ROBO3: variants seen among roughly 807,000 people sequenced by gnomAD.
The protein encoded by ROBO3 is roundabout guidance receptor 3, also known as roundabout homolog 3.
A neutral mutation model predicts 160.5 loss-of-function variants in ROBO3; 97 were observed. That is an observed-to-expected ratio of 0.60 (90% confidence interval 0.51 to 0.72). The LOEUF (loss-of-function observed/expected upper bound fraction) is 0.72, where lower values mean the gene tolerates loss of function less well. Among genes scored for constraint, ROBO3 ranks in the 30% least tolerant of loss-of-function variants. ROBO3 has a pLI of 0.00. For missense variants in ROBO3, 1,858 were observed against 1,846.5 expected (o/e 1.01, Z -0.11); for synonymous variants, 780 against 746.2 (o/e 1.05, Z -0.74).
intron 1 of ROBO3, chr11:124,868,436 A>C: frequency 1.8e-6 from 1 of 562,696 alleles, no homozygotes; most frequent in Non-Finnish European, 3.2e-6. Flanking sequence ...GGAGATGGAA[A>C]CCACTGGGCA....
At position 124,875,986 on chromosome 11, in the gene ROBO3, C is replaced by T. The variant is rs1274929444; in HGVS notation, c.2454C>T (p.His818=). 6.2e-7 allele frequency: 1 copy of T among 1,600,472 alleles called. No individual in the cohort carries two copies. The highest frequency in any genetic ancestry group is 8.5e-7 in the Non-Finnish European group (1 of 1,173,750). ...GCCTGGGCAATGAGAGCCGCTTTCA[C>T]CTCAATCGATCTGCAGCAGGCTGGG... The part of the protein sequence containing the change: ...IWCLGNESRF[H]LNRSAAGWAR... Residue 818 remains histidine, a synonymous_variant, in exon 16 of 28, where the codon CAC becomes CAT. Coordinates refer to ENST00000397801, the MANE Select transcript of ROBO3 (RefSeq NM_022370.4).
rs746422577 is a variant in ROBO3, at chr11:124,877,667, T to C, written c.2986+9T>C. 1.2e-6 allele frequency: 2 copies of C among 1,609,944 alleles called. No homozygotes were observed. The highest frequency in any genetic ancestry group is 1.7e-6 in the Non-Finnish European group (2 of 1,178,274). On this transcript the variant is annotated intron_variant, in intron 20 of 27. Coordinates refer to ENST00000397801, the MANE Select transcript of ROBO3 (RefSeq NM_022370.4). ...CGACAGATATTACAACGGTGAGGAG[T>C]TCTCATTCCCTCACCTGGCTTCAGC... is the stretch of plus-strand genomic sequence containing the variant.
Position 124,873,093 on chromosome 11 carries a change from A to T in ROBO3, c.1536+4A>T, listed in dbSNP as rs1308575007. 1 of 1,612,242 alleles carries T rather than the reference A, an allele frequency of 6.2e-7. No homozygotes were observed. On this transcript the variant is annotated splice_donor_region_variant and intron_variant, in intron 9 of 27. Coordinates refer to ENST00000397801, the MANE Select transcript of ROBO3 (RefSeq NM_022370.4). The surrounding 1 kb of genome is among the most constrained non-coding windows in gnomAD (Gnocchi z 4.5). ...CCTGTACATCGCCAATGTGCAGGTG[A>T]GTGTCACCCCTGGGGCCCTAGTAGC...
Position 124,869,184 on chromosome 11 carries a change from G to A in ROBO3, c.487+56G>A. On this transcript the variant is annotated intron_variant, in intron 2 of 27. Transcript: ENST00000397801. This position sits in a 1 kb window ranked among gnomAD's most constrained non-coding sequence, Gnocchi z 4.2. ...TTCCAGAGCCTGGGGTAGGCGGGAG[G>A]GCACTGGGCAATCAGACCCAGAACC... 6.8e-7 allele frequency: 1 copy of A among 1,474,820 alleles called. No individual in the cohort carries two copies. Among genetic ancestry groups the A allele is most frequent in the Non-Finnish European group, 9.1e-7 (1 of 1,099,608 alleles). The allele number at this position is 1,474,820 out of a possible 1,614,324, so 91.4% of individuals were successfully genotyped here.
intron 15 of ROBO3, 114 bp from the exon 16 acceptor site, chr11:124,875,840 T>A: frequency 6.9e-7 from 1 of 1,455,048 alleles, no homozygotes; most frequent in African/African-American, 1.4e-5. Flanking sequence ...CCAAGTGTTG[T>A]TTCCAGGTTG....
rs200747821 is a variant in ROBO3, at chr11:124,879,553, C to T, written c.3774C>T (p.Tyr1258=). 5 of 1,613,266 alleles carry T rather than the reference C, an allele frequency of 3.1e-6. No individual in the cohort carries two copies. Among genetic ancestry groups the T allele is most frequent in the South Asian group, 1.1e-5 (1 of 90,960 alleles). Residue 1258 remains tyrosine (Y), a synonymous_variant, in exon 25 of 28, where the codon TAC becomes TAT. Transcript: ENST00000397801. ...GGAAGAAACCCAAGGCTCTTCCCTA[C>T]AGGAGGGAGAACAGTCCTGGGGGTG... The part of the protein sequence containing the change: ...RFRKKPKALP[Y]RRENSPGDLP...
chr11:124,876,041 C>A lies in ROBO3; in HGVS notation c.2509C>A (p.Pro837Thr). The A allele has an allele frequency of 6.2e-7, 1 of 1,607,702 alleles. No homozygotes were observed. The highest frequency in any genetic ancestry group is 1.1e-5 in the South Asian group (1 of 89,334). The change falls in exon 16 of 28, where the codon CCC (proline) becomes ACC (threonine). Residue 837 changes from proline (P) to threonine (T), a missense_variant. Physicochemically the swap from Pro to Thr is conservative, Grantham distance 38. Coordinates refer to ENST00000397801, the MANE Select transcript of ROBO3 (RefSeq NM_022370.4). This position sits in a 1 kb window ranked among gnomAD's most constrained non-coding sequence, Gnocchi z 5.3. ...CTCCGCAATGCTCCGAGGACTGGTG[C>A]CCGGTCTCCTCTATCGAACCCTGGT... Reference protein sequence around the residue: ...ARSAMLRGLVPGLLYRTLVAA... With the variant: ...ARSAMLRGLVTGLLYRTLVAA...
chr11:124,876,191 G>A lies in ROBO3; in HGVS notation c.2593+66G>A. ...GCGGGGCAAGCCCCCCACTGGGGTAGCTGTGCCTGCCGGGTCGGGAATGAC... is the reference window on the plus strand; with the variant it reads ...GCGGGGCAAGCCCCCCACTGGGGTAACTGTGCCTGCCGGGTCGGGAATGAC... On this transcript the variant is annotated intron_variant, in intron 16 of 27. Coordinates refer to ENST00000397801, the MANE Select transcript of ROBO3 (RefSeq NM_022370.4). This position sits in a 1 kb window ranked among gnomAD's most constrained non-coding sequence, Gnocchi z 5.3. The A allele has an allele frequency of 6.5e-7, 1 of 1,532,386 alleles. No homozygotes were observed. The highest frequency in any genetic ancestry group is 8.7e-7 in the Non-Finnish European group (1 of 1,147,230). The allele number at this position is 1,532,386 out of a possible 1,614,324, so 94.9% of individuals were successfully genotyped here.
At position 124,870,272 on chromosome 11, in the gene ROBO3, C is replaced by T. The variant is rs376257514; in HGVS notation, c.874C>T (p.Arg292Cys). The T allele has an allele frequency of 2.1e-5, 34 of 1,613,904 alleles. No homozygotes were observed. The highest frequency in any genetic ancestry group is 3.3e-4 in the Middle Eastern group (2 of 6,082). The change falls in exon 5 of 28, where the codon CGC (arginine) becomes TGC (cysteine). Residue 292 changes from arginine to cysteine, a missense_variant. Coordinates refer to ENST00000397801, the MANE Select transcript of ROBO3 (RefSeq NM_022370.4). ...GGATCCCCCACCTCGTCTACGCTGGCGCAAGGAGGATGGGGAACTGCCCAC... is the reference window on the plus strand; with the variant it reads ...GGATCCCCCACCTCGTCTACGCTGGTGCAAGGAGGATGGGGAACTGCCCAC... ...KGDPPPRLRW[R>C]KEDGELPTGR...
chr11:124,869,728 G>A lies in ROBO3; in HGVS notation c.645+121G>A, dbSNP rs1438090019. The A allele has an allele frequency of 3.1e-6, 4 of 1,301,158 alleles. No individual in the cohort carries two copies. The highest frequency in any genetic ancestry group is 3.0e-5 in the South Asian group (2 of 67,372). The allele number at this position is 1,301,158 out of a possible 1,614,324, so 80.6% of individuals were successfully genotyped here. A position where few individuals can be genotyped will look rare whatever the true frequency, so the allele number is the denominator to read the frequency against. The stretch of plus-strand genomic sequence containing the variant: ...CCAGAGACTAAGAGTCAGCTATACA[G>A]TGAGGGATAAGGAAGACGGAATTGG... On this transcript the variant is annotated intron_variant, in intron 3 of 27. Coordinates refer to ENST00000397801, the MANE Select transcript of ROBO3 (RefSeq NM_022370.4). This position sits in a 1 kb window ranked among gnomAD's most constrained non-coding sequence, Gnocchi z 4.2.
intron 14 of ROBO3, 33 bp from the exon 15 acceptor site, chr11:124,875,531 G>T (rs74664498): frequency 0.064 from 103,780 of 1,609,276 alleles, 3,910 homozygotes; most frequent in South Asian, 0.12. Flanking sequence ...ATGACTATTT[G>T]TGTCCTTCTC....
At position 124,880,577 on chromosome 11, in the gene ROBO3, A is replaced by G. The variant is rs1946556786; in HGVS notation, c.4118A>G (p.Gln1373Arg). ...RSRSRSQSRSQSQRPGQKRRE... is the reference protein window; with the variant it reads ...RSRSRSQSRSRSQRPGQKRRE... ...CGGAGTCGGAGTCAGAGCCGGAGCC[A>G]GAGCCAAAGGCCAGGACAGAAACGC... The change falls in exon 27 of 28, where the codon CAG (glutamine) becomes CGG (arginine). Residue 1373 changes from glutamine (Q) to arginine (R), a missense_variant. Coordinates refer to ENST00000397801, the MANE Select transcript of ROBO3 (RefSeq NM_022370.4). 6.4e-7 allele frequency: 1 copy of G among 1,552,054 alleles called. No individual in the cohort carries two copies. The highest frequency in any genetic ancestry group is 8.7e-7 in the Non-Finnish European group (1 of 1,147,520).
chr11:124,877,628 A>T lies in ROBO3; in HGVS notation c.2956A>T (p.Asn986Tyr). The change falls in exon 20 of 28, where the codon AAT (asparagine) becomes TAT (tyrosine). Residue 986 changes from asparagine (N) to tyrosine (Y), a missense_variant. Coordinates refer to ENST00000397801, the MANE Select transcript of ROBO3 (RefSeq NM_022370.4). ...QEPRGSCCPSNPDPDDRYYNE... is the reference protein window; with the variant it reads ...QEPRGSCCPSYPDPDDRYYNE... Reference sequence around the variant, plus strand: ...ACCCAGGGGAAGCTGCTGCCCTAGCAATCCTGACCCGGACGACAGATATTA... The same window carrying T: ...ACCCAGGGGAAGCTGCTGCCCTAGCTATCCTGACCCGGACGACAGATATTA... 1 of 1,610,894 alleles carries T rather than the reference A, an allele frequency of 6.2e-7. No individual in the cohort carries two copies. The highest frequency in any genetic ancestry group is 8.5e-7 in the Non-Finnish European group (1 of 1,178,680).
In ROBO3 at chr11:124,880,545, C is replaced by A; in HGVS notation, c.4086C>A (p.Gly1362=). The A allele has an allele frequency of 1.3e-6, 2 of 1,535,424 alleles. No homozygotes were observed. The change falls in exon 27 of 28, where the codon GGC becomes GGA. Residue 1362 remains glycine, a synonymous_variant. Coordinates refer to ENST00000397801, the MANE Select transcript of ROBO3 (RefSeq NM_022370.4). Reference sequence around the variant, plus strand: ...GCTCTAGGGGCTCCCGGGGCCCTGGCCGGAGCCGGAGTCGGAGTCAGAGCC... The same window carrying A: ...GCTCTAGGGGCTCCCGGGGCCCTGGACGGAGCCGGAGTCGGAGTCAGAGCC... ...SSSSRGSRGP[G]RSRSRSQSRS...
In ROBO3 at chr11:124,874,774, T is replaced by A. The variant is rs1241210988; in HGVS notation, c.1952-14T>A. The A allele has an allele frequency of 1.9e-6, 3 of 1,603,816 alleles. No individual in the cohort carries two copies. The highest frequency in any genetic ancestry group is 2.6e-6 in the Non-Finnish European group (3 of 1,175,292). On this transcript the variant is annotated splice_polypyrimidine_tract_variant and intron_variant, in intron 12 of 27. Transcript: ENST00000397801. ...CCCTGGTGGCCTCTGCTGAATGGGT[T>A]CCTTGGTCAACAGATAGCAGCCCCT...
intron 1 of ROBO3, 75 bp from the exon 2 acceptor site, chr11:124,868,727 C>G (rs753916056): frequency 1.4e-6 from 2 of 1,406,534 alleles, no homozygotes; most frequent in Non-Finnish European, 2.0e-6. Flanking sequence ...CCAGAGGATT[C>G]TCTTTCCCTC....
chr11:124,873,709 T>C lies in ROBO3; in HGVS notation c.1631T>C (p.Val544Ala). The C allele has an allele frequency of 6.2e-7, 1 of 1,611,696 alleles. No individual in the cohort carries two copies. Among genetic ancestry groups the C allele is most frequent in the Non-Finnish European group, 8.5e-7 (1 of 1,178,844 alleles). Reference sequence around the variant, plus strand: ...TCTCCCACTGCAGAAGACTGGGGAGTATCACCAGACCCCCCTACAGAACCC... The same window carrying C: ...TCTCCCACTGCAGAAGACTGGGGAGCATCACCAGACCCCCCTACAGAACCC... ...GWLKMREDWG[V>A]SPDPPTEPSS... The change falls in exon 11 of 28, where the codon GTA becomes GCA. Residue 544 changes from valine to alanine, a missense_variant. Transcript: ENST00000397801. This position sits in a 1 kb window ranked among gnomAD's most constrained non-coding sequence, Gnocchi z 4.5.
rs776447328 is a variant in ROBO3 at position 124,876,384 on chromosome 11, C to T, written c.2703C>T (p.Cys901=). 30 of 1,444,864 alleles carry T rather than the reference C, an allele frequency of 2.1e-5. No individual in the cohort carries two copies. The highest frequency in any genetic ancestry group is 1.5e-5 in the African/African-American group (1 of 67,178). 89.5% of individuals were successfully genotyped at this position (1,444,864 alleles called of 1,614,324 possible). ...PAFLAGSGAA[C]GALLLGLCAA... is the part of the protein sequence containing the mutation. Reference sequence around the variant, plus strand: ...TCCTCGCGGGCAGCGGCGCAGCCTGCGGGGCGCTGCTTCTCGGGCTCTGCG... The same window carrying T: ...TCCTCGCGGGCAGCGGCGCAGCCTGTGGGGCGCTGCTTCTCGGGCTCTGCG... Residue 901 remains cysteine (C), a synonymous_variant, in exon 17 of 28, where the codon TGC becomes TGT. Transcript: ENST00000397801. This position sits in a 1 kb window ranked among gnomAD's most constrained non-coding sequence, Gnocchi z 5.3.
chr11:124,867,171 G>C (rs1946209183), intron 1 of ROBO3, among the ~76,000 whole-genome samples: 1 of 152,136 alleles, frequency 6.6e-6, no homozygotes, highest in Non-Finnish European at 1.5e-5. Flanking sequence ...TATACCAAGG[G>C]GAAAAAAGAA....
Sources: allele counts gnomAD v4.1 joint callset (sites outside exome capture counted in the v4.1 genomes callset), GRCh38; gene constraint gnomAD v4.1.1; non-coding constraint Gnocchi (gnomAD v3.1); transcripts MANE v1.5; gene names NCBI Gene and HGNC (gene_info 2026-07-23, HGNC 2026-07-21).